The following PCDHA5 variants were observed in gnomAD, a reference collection of about 807,000 sequenced individuals.
PCDHA5 encodes the protein protocadherin alpha 5, also known as protocadherin alpha-5.
In PCDHA5, 43 loss-of-function variants were observed where a neutral mutation model predicts 61.6. The ratio of observed to expected loss-of-function variants is 0.70; its 90% CI spans 0.55 to 0.90. The LOEUF (loss-of-function observed/expected upper bound fraction) is 0.90, where lower values mean the gene tolerates loss of function less well. Among genes scored for constraint, PCDHA5 ranks in the 40% least tolerant of loss-of-function variants. The probability of loss-of-function intolerance (pLI) is 0.00; values close to 1 mark genes in which losing one functional copy is unlikely to be tolerated. For synonymous variants in PCDHA5, 627 were observed against 543.9 expected (o/e 1.15, Z -2.13); for missense variants, 1,298 against 1,222.7 (o/e 1.06, Z -0.92).
chr5:140,960,253 G>A (rs1554224599), intron 1 of PCDHA5, among the ~76,000 whole-genome samples: 1 of 152,178 alleles, frequency 6.6e-6, no homozygotes, highest in African/African-American at 2.4e-5. Context: ...GCTTCCTGGA[G>A]CTTCTGATAA....
intron 1 of PCDHA5, among the ~76,000 whole-genome samples, chr5:140,895,618 T>C (rs569188891): frequency 1.1e-4 from 16 of 152,206 alleles, no homozygotes; most frequent in African/African-American, 3.9e-4. Context: ...TCATTGAGGG[T>C]GTTGTCTTTT....
At chr5:140,908,384 C>T (rs573373685) in intron 1 of PCDHA5, among the ~76,000 whole-genome samples, 2 of 152,172 alleles carry the variant, frequency 1.3e-5, no homozygotes, top group African/African-American at 2.4e-5. Flanking sequence ...TGCTCGAGCC[C>T]GATCACATAT....
intron 3 of PCDHA5, among the ~76,000 whole-genome samples, chr5:141,000,391 C>CTA (rs2097912428): frequency 7.9e-4 from 45 of 56,656 alleles, no homozygotes; most frequent in East Asian, 1.2e-3. Flanking sequence ...CTCTCTCTCT[C>CTA]TCTCTATATA....
chr5:140,856,078 C>G, intron 1 of PCDHA5: 18 of 1,594,016 alleles, frequency 1.1e-5, no homozygotes, highest in Non-Finnish European at 1.5e-5. Context: ...GCCTGGGGGT[C>G]CAGTGTCTGC....
At chr5:140,894,717 A>G (rs1349709964) in intron 1 of PCDHA5, among the ~76,000 whole-genome samples, 1 of 151,920 alleles carries the variant, frequency 6.6e-6, no homozygotes, top group Non-Finnish European at 1.5e-5. Flanking sequence ...GTTGTTTTCA[A>G]ATATTACGTA....
chr5:140,980,275 C>G (rs1288435032), intron 2 of PCDHA5, among the ~76,000 whole-genome samples: 1 of 152,196 alleles, frequency 6.6e-6, no homozygotes. Flanking sequence ...AGTACCAACT[C>G]TTGAAAAGTA....
chr5:140,917,334 G>GC (rs1563019411), intron 1 of PCDHA5, among the ~76,000 whole-genome samples: 1 of 147,630 alleles, frequency 6.8e-6, no homozygotes, highest in Non-Finnish European at 1.5e-5. Context: ...CGGGGGAGGG[G>GC]GGGGATGGTG....
At position 140,909,749 on chromosome 5, in the gene PCDHA5, C is replaced by G. The variant is rs141984152; in HGVS notation, c.2353-69200C>G. On this transcript the variant is annotated intron_variant, in intron 1 of 3. Coordinates refer to ENST00000529859, the MANE Select transcript of PCDHA5 (RefSeq NM_018908.3). ...ATGCATTCTGGCACTGGGGAAATGA[C>G]CACAGGATGAGTCCAGGGACCCACT... 2.0e-3 allele frequency among the ~76,000 whole-genome samples: 298 copies of G among 152,232 alleles called. 1 individual carries two copies. Among genetic ancestry groups the G allele is most frequent in the African/African-American group, 6.9e-3 (285 of 41,526 alleles).
At chr5:140,970,893 T>C (rs568576965) in intron 1 of PCDHA5, among the ~76,000 whole-genome samples, 3 of 152,200 alleles carry the variant, frequency 2.0e-5, no homozygotes, top group Non-Finnish European at 4.4e-5. Context: ...CATGGACATT[T>C]CAGATAGATT....
intron 3 of PCDHA5, among the ~76,000 whole-genome samples, chr5:140,998,973 G>A (rs572810777): frequency 1.3e-5 from 2 of 152,352 alleles, no homozygotes; most frequent in African/African-American, 2.4e-5. Flanking sequence ...TAGTATCCTA[G>A]AAAATAGTAG....
chr5:140,858,007 T>C lies in PCDHA5; in HGVS notation c.2352+33880T>C, dbSNP rs1383838363. 3.1e-6 allele frequency: 5 copies of C among 1,596,728 alleles called. 1 individual carries two copies. Among genetic ancestry groups the C allele is most frequent in the Admixed American group, 1.7e-5 (1 of 59,162 alleles). On this transcript the variant is annotated intron_variant, in intron 1 of 3. Coordinates refer to ENST00000529859, the MANE Select transcript of PCDHA5 (RefSeq NM_018908.3). ...GCCTACTGGTGCTGGTGAAGGACCA[T>C]GGCGAGCCGTCGCTGACGGCCACGG... is the stretch of plus-strand genomic sequence containing the variant.
At chr5:140,929,492 G>A in intron 1 of PCDHA5, 1 of 1,062,164 alleles carries the variant, frequency 9.4e-7, no homozygotes, top group Non-Finnish European at 1.3e-6. Context: ...AGTATTAGAA[G>A]ATTGCCCTAG....
At chr5:140,851,370 T>A in intron 1 of PCDHA5, 1 of 979,252 alleles carries the variant, frequency 1.0e-6, no homozygotes, top group Non-Finnish European at 1.2e-6. Flanking sequence ...AACATCTGAT[T>A]GTTCAGCAAC....
intron 1 of PCDHA5, chr5:140,875,830 G>A (rs782702520): frequency 4.6e-5 from 75 of 1,614,104 alleles, no homozygotes; most frequent in East Asian, 8.9e-5. Flanking sequence ...TTTCCATGTG[G>A]ACGTGGAGGT....
chr5:140,844,580 A>G (rs1473112365), intron 1 of PCDHA5, among the ~76,000 whole-genome samples: 3 of 149,602 alleles, frequency 2.0e-5, no homozygotes, highest in African/African-American at 7.3e-5. Flanking sequence ...ATTCCACATT[A>G]AAGTGATATT....
At chr5:140,885,486 T>C (rs1420709904) in intron 1 of PCDHA5, among the ~76,000 whole-genome samples, 2 of 152,188 alleles carry the variant, frequency 1.3e-5, no homozygotes, top group Non-Finnish European at 2.9e-5. Context: ...TGTCAAGTGT[T>C]CTGTTATCTT....
Position 140,852,727 on chromosome 5 carries a change from G to A in PCDHA5, c.2352+28600G>A, listed in dbSNP as rs1395858951. 8.1e-6 allele frequency: 8 copies of A among 983,412 alleles called. 1 individual carries two copies. The South Asian group carries it at 2.9e-4, about 35-fold the overall frequency. The allele number at this position is 983,412 out of a possible 1,614,324, so 60.9% of individuals were successfully genotyped here. The stretch of plus-strand genomic sequence containing the variant: ...ATCTTTGTCTTTGCACGTTTTTCAA[G>A]TTTCATGTGCCATTTAAACTTGGAC... On this transcript the variant is annotated intron_variant, in intron 1 of 3. Transcript: ENST00000529859.
chr5:140,871,027 C>T (rs1554164992), intron 1 of PCDHA5: 1 of 1,613,114 alleles, frequency 6.2e-7, no homozygotes, highest in African/African-American at 1.3e-5. Context: ...GGCAGACTCG[C>T]CGCGCCACCG....
At chr5:140,902,301 G>A (rs943083254) in intron 1 of PCDHA5, among the ~76,000 whole-genome samples, 1 of 149,570 alleles carries the variant, frequency 6.7e-6, no homozygotes, top group African/African-American at 2.5e-5. Context: ...GCCTCCCAAA[G>A]TGCTGGGATT....
Sources: gnomAD v4.1 joint callset for allele counts (sites outside exome capture counted in the v4.1 genomes callset) on GRCh38, gnomAD v4.1.1 for gene constraint, MANE v1.5 for transcripts, NCBI Gene and HGNC (gene_info 2026-07-23, HGNC 2026-07-21) for gene names.